The following ERCC8 variants were observed in gnomAD, a reference collection of about 807,000 sequenced individuals.
The protein encoded by ERCC8 is DNA excision repair protein ERCC-8.
ERCC8 carries 52 observed loss-of-function variants against 54.9 expected under a neutral mutation model. The ratio of observed to expected loss-of-function variants is 0.95; its 90% CI spans 0.76 to 1.19. ERCC8 has a LOEUF of 1.19. Among genes scored for constraint, ERCC8 ranks in the 50% most tolerant of loss-of-function variants. The pLI, the probability that ERCC8 is intolerant of heterozygous loss-of-function variation, is 0.00. For synonymous variants in ERCC8, 146 were observed against 157.2 expected (o/e 0.93, Z 0.53); for missense variants, 514 against 466.1 (o/e 1.10, Z -0.95).
At chr5:60,906,493 C>CCGAGGCAG (rs1483120059) in intron 4 of ERCC8, among the ~76,000 whole-genome samples, 17 of 151,944 alleles carry the variant, frequency 1.1e-4, no homozygotes, top group Non-Finnish European at 8.8e-5. Context: ...CTTTGGGAGG[C>CCGAGGCAG]CGAGGCAGGC....
intron 1 of ERCC8, among the ~76,000 whole-genome samples, chr5:60,933,238 A>T (rs112338571): frequency 0.16 from 7,236 of 45,524 alleles, 576 homozygotes; most frequent in African/African-American, 0.37. Context: ...TTTTTTTTTG[A>T]GACGGAGTCT....
At chr5:60,913,139 A>G (rs529706793) in intron 4 of ERCC8, among the ~76,000 whole-genome samples, 6 of 151,962 alleles carry the variant, frequency 3.9e-5, no homozygotes, top group East Asian at 3.9e-4. Flanking sequence ...TTCTTTTTCT[A>G]TTGATTGGAA....
Position 60,902,527 on chromosome 5 carries a change from GAA to G in ERCC8, c.551-21_551-20del. 6.3e-7 allele frequency: 1 copy of G among 1,598,872 alleles called. No individual in the cohort carries two copies. The highest frequency in any genetic ancestry group is 8.6e-7 in the Non-Finnish European group (1 of 1,166,588). ...CTGTGACCTGCAAATACAACTATAT[GAA>G]AAGTCTTGCAAGATATCTGAAAAAT... is the stretch of plus-strand genomic sequence containing the variant. On this transcript the variant is annotated intron_variant, in intron 6 of 11. Transcript: ENST00000676185.
intron 1 of ERCC8, among the ~76,000 whole-genome samples, chr5:60,944,705 A>ACCCCC (rs34115919): frequency 1.0e-5 from 1 of 96,068 alleles, no homozygotes; most frequent in Admixed American, 1.1e-4. Context: ...CCGCGGGGGA[A>ACCCCC]CCCCCCCCCC....
At chr5:60,877,311 T>C (rs914887609) in intron 11 of ERCC8, among the ~76,000 whole-genome samples, 9 of 152,200 alleles carry the variant, frequency 5.9e-5, no homozygotes, top group Non-Finnish European at 8.8e-5. Flanking sequence ...AGTCAGGTAG[T>C]GTGATGCCTC....
chr5:60,887,382 A>G, intron 11 of ERCC8, 58 bp downstream of exon 11: 1 of 1,403,202 alleles, frequency 7.1e-7, no homozygotes, highest in Non-Finnish European at 1.0e-6. Flanking sequence ...ATAAAGTAAC[A>G]AAACATTATT....
chr5:60,880,409 C>T (rs9763418), intron 11 of ERCC8, among the ~76,000 whole-genome samples: 49,661 of 151,956 alleles, frequency 0.33, 8,465 homozygotes, highest in Middle Eastern at 0.36. Flanking sequence ...TGAATGTTGG[C>T]CTGACTTGCT....
rs987966984 is a variant in ERCC8 at position 60,871,046 on chromosome 5, T to C, written c.*3569A>G. ...TAGAAAAAAGTGGGCACAATATCTA[T>C]AGACCAACAAAACAAAAGGACTACA... is the stretch of plus-strand genomic sequence containing the variant. On this transcript the variant is annotated 3_prime_UTR_variant, in exon 12 of 12. Coordinates refer to ENST00000676185, the MANE Select transcript of ERCC8 (RefSeq NM_000082.4). Among the ~76,000 whole-genome samples, 2 of 152,086 alleles carry C rather than the reference T, an allele frequency of 1.3e-5. No individual in the cohort carries two copies. Among genetic ancestry groups the C allele is most frequent in the Non-Finnish European group, 2.9e-5 (2 of 68,020 alleles).
intron 9 of ERCC8, among the ~76,000 whole-genome samples, chr5:60,896,840 T>C (rs28507971): frequency 0.064 from 9,719 of 152,208 alleles, 1,022 homozygotes; most frequent in African/African-American, 0.22. Context: ...AATTTATATA[T>C]ACATTCAGTA....
rs189122330 is a variant in ERCC8, at chr5:60,896,427, G to T, written c.843+1849C>A. 2.1e-4 allele frequency among the ~76,000 whole-genome samples: 32 copies of T among 152,210 alleles called. No individual in the cohort carries two copies. In the East Asian group the frequency reaches 5.6e-3, roughly 27 times the overall value. The stretch of plus-strand genomic sequence containing the variant: ...GGGTTTCATCGTGTTAGCCAGGATG[G>T]TCTTGATCTCCTGACCTCGTGATCC... On this transcript the variant is annotated intron_variant, in intron 9 of 11. Transcript: ENST00000676185.
Position 60,869,577 on chromosome 5 carries a change from G to C in ERCC8, c.*5038C>G, listed in dbSNP as rs889398795. ...CTTTTTAGTATAAACTGGACACAAG[G>C]AACACTTCAGTTCATGGGATAACTT... On this transcript the variant is annotated 3_prime_UTR_variant, in exon 12 of 12. Transcript: ENST00000676185. 3.9e-5 allele frequency among the ~76,000 whole-genome samples: 6 copies of C among 152,086 alleles called. No individual in the cohort carries two copies. Among genetic ancestry groups the C allele is most frequent in the Non-Finnish European group, 8.8e-5 (6 of 67,990 alleles).
Position 60,870,482 on chromosome 5 carries a change from T to TAAAAAGAAAA in ERCC8, c.*4132_*4133insTTTTCTTTTT, listed in dbSNP as rs1747838465. ...CAACATGGTGAAACCCCACCTCTGC[T>TAAAAAGAAAA]AAAAAAAAAAAAAAAAAAAAAAAAA... On this transcript the variant is annotated 3_prime_UTR_variant, in exon 12 of 12. Coordinates refer to ENST00000676185, the MANE Select transcript of ERCC8 (RefSeq NM_000082.4). Among the ~76,000 whole-genome samples, 1 of 48,806 alleles carries TAAAAAGAAAA rather than the reference T, an allele frequency of 2.0e-5. No homozygotes were observed. Among genetic ancestry groups the TAAAAAGAAAA allele is most frequent in the African/African-American group, 9.9e-5 (1 of 10,054 alleles). The allele number at this position is 48,806 out of a possible 152,430, so 32.0% of individuals were successfully genotyped here. A position where few individuals can be genotyped will look rare whatever the true frequency, so the allele number is the denominator to read the frequency against.
Position 60,910,938 on chromosome 5 carries a change from G to C in ERCC8, c.400-6065C>G, listed in dbSNP as rs78976873. 6.1e-3 allele frequency among the ~76,000 whole-genome samples: 930 copies of C among 152,142 alleles called. 10 individuals are homozygous for C. The highest frequency in any genetic ancestry group is 0.01 in the Middle Eastern group (3 of 294). On this transcript the variant is annotated intron_variant, in intron 4 of 11. Coordinates refer to ENST00000676185, the MANE Select transcript of ERCC8 (RefSeq NM_000082.4). ...ATAATGAGGATAATGCAAAGGGAAA[G>C]CTTTCAACATTTTACCACCAAATAA...
intron 4 of ERCC8, among the ~76,000 whole-genome samples, chr5:60,911,045 ATTTTAT>A (rs1385800337): frequency 6.6e-6 from 1 of 152,020 alleles, no homozygotes; most frequent in Non-Finnish European, 1.5e-5. Context: ...TATGCAGAGA[ATTTTAT>A]TTTTATTTTT....
intron 4 of ERCC8, among the ~76,000 whole-genome samples, chr5:60,908,910 T>C (rs1486233235): frequency 8.5e-5 from 13 of 152,248 alleles, no homozygotes; most frequent in Middle Eastern, 6.8e-3. Context: ...TGAAAATCCA[T>C]CTTTTATGTG....
At chr5:60,879,898 T>A (rs964569344) in intron 11 of ERCC8, among the ~76,000 whole-genome samples, 3 of 152,224 alleles carry the variant, frequency 2.0e-5, no homozygotes, top group Non-Finnish European at 4.4e-5. Context: ...GTGAATTTGA[T>A]CCTGTCATGA....
Position 60,872,603 on chromosome 5 carries a change from T to C in ERCC8, c.*2012A>G, listed in dbSNP as rs1004539905. ...CAACGAGATACCACCTAACACCTGT[T>C]AGAATGGCTACTATCAATAACACAA... On this transcript the variant is annotated 3_prime_UTR_variant, in exon 12 of 12. Coordinates refer to ENST00000676185, the MANE Select transcript of ERCC8 (RefSeq NM_000082.4). Among the ~76,000 whole-genome samples the C allele has an allele frequency of 1.3e-5, 2 of 152,176 alleles. No individual in the cohort carries two copies. Among genetic ancestry groups the C allele is most frequent in the Non-Finnish European group, 2.9e-5 (2 of 68,018 alleles).
intron 11 of ERCC8, among the ~76,000 whole-genome samples, chr5:60,881,763 C>A (rs1009200530): frequency 6.6e-6 from 1 of 152,204 alleles, no homozygotes; most frequent in Non-Finnish European, 1.5e-5. Flanking sequence ...TCTGTCACCC[C>A]TTTCTGTGAC....
chr5:60,896,450 T>A (rs1748728673), intron 9 of ERCC8, among the ~76,000 whole-genome samples: 1 of 152,072 alleles, frequency 6.6e-6, no homozygotes, highest in Non-Finnish European at 1.5e-5. Context: ...GACCTCGTGA[T>A]CCACCCACCT....
Sources: gnomAD v4.1 joint callset for allele counts (sites outside exome capture counted in the v4.1 genomes callset) on GRCh38, gnomAD v4.1.1 for gene constraint, MANE v1.5 for transcripts, NCBI Gene and HGNC (gene_info 2026-07-23, HGNC 2026-07-21) for gene names.